Variants in ARHGAP15 observed in about 807,000 individuals in gnomAD.
ARHGAP15 encodes rho GTPase-activating protein 15.
A neutral mutation model predicts 63.7 loss-of-function variants in ARHGAP15; 51 were observed. The ratio of observed to expected loss-of-function variants is 0.80; its 90% confidence interval spans 0.64 to 1.01. ARHGAP15 has a LOEUF of 1.01. Among genes scored for constraint, ARHGAP15 ranks in the 50% least tolerant of loss-of-function variants. ARHGAP15 has a pLI of 0.00. For synonymous variants in ARHGAP15, 191 were observed against 193.8 expected (o/e 0.99, Z 0.12); for missense variants, 560 against 564.6 (o/e 0.99, Z 0.08).
At chr2:143,405,339 CAT>C (rs934243606) in intron 6 of ARHGAP15, among the ~76,000 whole-genome samples, 4 of 150,884 alleles carry the variant, frequency 2.7e-5, no homozygotes, top group African/African-American at 9.7e-5. Context: ...TTTTGCTTAT[CAT>C]TTTGTGTTTT....
intron 9 of ARHGAP15, among the ~76,000 whole-genome samples, chr2:143,500,103 T>C (rs1336212435): frequency 6.6e-6 from 1 of 151,874 alleles, no homozygotes; most frequent in East Asian, 1.9e-4. Context: ...ACAGCCCTTT[T>C]TCAACTTAAT....
chr2:143,320,199 T>TA (rs1050152512), intron 6 of ARHGAP15, among the ~76,000 whole-genome samples: 1 of 152,164 alleles, frequency 6.6e-6, no homozygotes, highest in African/African-American at 2.4e-5. Flanking sequence ...TAGGATTCTT[T>TA]AGCTGCATCA....
intron 6 of ARHGAP15, among the ~76,000 whole-genome samples, chr2:143,280,924 C>T (rs1574204961): frequency 6.6e-6 from 1 of 152,028 alleles, no homozygotes; most frequent in East Asian, 1.9e-4. Context: ...AAAAAGAACA[C>T]CCCTATATTT....
chr2:143,366,517 A>G (rs1686297987), intron 6 of ARHGAP15, among the ~76,000 whole-genome samples: 1 of 152,084 alleles, frequency 6.6e-6, no homozygotes, highest in South Asian at 2.1e-4. Flanking sequence ...AACAAATAAT[A>G]TTTTGCTCCT....
chr2:143,213,029 G>A (rs919795933), intron 3 of ARHGAP15, among the ~76,000 whole-genome samples: 3 of 152,074 alleles, frequency 2.0e-5, no homozygotes, highest in Non-Finnish European at 4.4e-5. Flanking sequence ...ATGGTATCCC[G>A]TCCCCCCAGA....
At chr2:143,153,873 T>TCCTCTTCCTCC (rs1689967986) in intron 1 of ARHGAP15, among the ~76,000 whole-genome samples, 18 of 46,900 alleles carry the variant, frequency 3.8e-4, no homozygotes, top group African/African-American at 1.1e-3. Flanking sequence ...CCTCCTCCTC[T>TCCTCTTCCTCC]TCCTCCTCCT....
rs185635166 is a variant in ARHGAP15 at position 143,143,602 on chromosome 2, A to G, written c.-14-11875A>G. Among the ~76,000 whole-genome samples the G allele has an allele frequency of 4.4e-3, 630 of 144,546 alleles. 1 individual carries two copies. Among genetic ancestry groups the G allele is most frequent in the Non-Finnish European group, 7.5e-3 (501 of 66,750 alleles). 94.8% of individuals were successfully genotyped at this position (144,546 alleles called of 152,430 possible). A position where few individuals can be genotyped will look rare whatever the true frequency, so the allele number is the denominator to read the frequency against. ...TTTTTGTCCCTCAGACAATTACTTG[A>G]ACCACCTCAGGGCTAAATCATCCAC... On this transcript the variant is annotated intron_variant, in intron 1 of 13. Transcript: ENST00000295095.
At chr2:143,421,766 GTATATATATATATATATATATA>G (rs59677710) in intron 6 of ARHGAP15, among the ~76,000 whole-genome samples, 5 of 109,068 alleles carry the variant, frequency 4.6e-5, no homozygotes, top group East Asian at 2.3e-4. Context: ...TGCACATGGT[GTATATATATATATATATATATA>G]TATATATATA....
chr2:143,448,957 T>C (rs1297190769), intron 8 of ARHGAP15, among the ~76,000 whole-genome samples: 1 of 152,068 alleles, frequency 6.6e-6, no homozygotes, highest in Non-Finnish European at 1.5e-5. Flanking sequence ...GACCTACTCA[T>C]ATAAAAGAGC....
chr2:143,249,613 A>G (rs1680041041), intron 5 of ARHGAP15, among the ~76,000 whole-genome samples: 1 of 152,172 alleles, frequency 6.6e-6, no homozygotes, highest in African/African-American at 2.4e-5. Context: ...TTGAAAAAAT[A>G]GTAAAGAAAT....
chr2:143,177,918 CATTT>C (rs1691071830), intron 2 of ARHGAP15, among the ~76,000 whole-genome samples: 1 of 152,076 alleles, frequency 6.6e-6, no homozygotes, highest in South Asian at 2.1e-4. Context: ...ATAAGCAATG[CATTT>C]ATTTACTGTA....
chr2:143,498,576 C>A (rs968483415), intron 9 of ARHGAP15, among the ~76,000 whole-genome samples: 1 of 152,044 alleles, frequency 6.6e-6, no homozygotes, highest in African/African-American at 2.4e-5. Context: ...TTTAATATGT[C>A]TTTTCTTTTT....
intron 11 of ARHGAP15, among the ~76,000 whole-genome samples, chr2:143,598,939 T>TA (rs879480037): frequency 1.6e-3 from 243 of 151,026 alleles, no homozygotes; most frequent in Non-Finnish European, 2.9e-3. Flanking sequence ...TTTTTTTTTT[T>TA]TAAAAAAAAC....
chr2:143,413,966 T>TGTGTGTGTGTGCGCGCGCGCGCGCGC lies in ARHGAP15; in HGVS notation c.475-21634_475-21633insTGTGTGTGTGCGCGCGCGCGCGCGCG. ...GTGTGTGTGTGTGTGTGTGTGTGTG[T>TGTGTGTGTGTGCGCGCGCGCGCGCGC]GCGCGCTCTCTGGCAGAAAGTTAAT... On this transcript the variant is annotated intron_variant, in intron 6 of 13. Coordinates refer to ENST00000295095, the MANE Select transcript of ARHGAP15 (RefSeq NM_018460.4). Among the ~76,000 whole-genome samples, 50 of 117,916 alleles carry TGTGTGTGTGTGCGCGCGCGCGCGCGC rather than the reference T, an allele frequency of 4.2e-4. No homozygotes were observed. In the South Asian group the frequency reaches 6.4e-3, roughly 15 times the overall value. 77.4% of individuals were successfully genotyped at this position (117,916 alleles called of 152,430 possible).
chr2:143,142,996 C>G (rs374327698), intron 1 of ARHGAP15, among the ~76,000 whole-genome samples: 2 of 152,042 alleles, frequency 1.3e-5, no homozygotes, highest in African/African-American at 4.8e-5. Flanking sequence ...TGTGTCCAAG[C>G]AAAAATCCTA....
At chr2:143,378,516 T>C (rs962841801) in intron 6 of ARHGAP15, among the ~76,000 whole-genome samples, 1 of 152,046 alleles carries the variant, frequency 6.6e-6, no homozygotes, top group African/African-American at 2.4e-5. Flanking sequence ...CGGTAGTTTA[T>C]AAAAGAGCTG....
At chr2:143,478,749 G>A (rs1327319468) in intron 8 of ARHGAP15, among the ~76,000 whole-genome samples, 1 of 152,110 alleles carries the variant, frequency 6.6e-6, no homozygotes, top group Non-Finnish European at 1.5e-5. Context: ...TAGCAAAAGT[G>A]GAAATTAAGA....
intron 9 of ARHGAP15, among the ~76,000 whole-genome samples, chr2:143,490,156 C>G (rs1175125353): frequency 1.3e-5 from 2 of 152,010 alleles, no homozygotes; most frequent in Admixed American, 1.3e-4. Context: ...CCCGCCACCA[C>G]GCCCGGCTAA....
chr2:143,527,111 C>CA (rs976622748), intron 10 of ARHGAP15, among the ~76,000 whole-genome samples: 10 of 151,028 alleles, frequency 6.6e-5, no homozygotes, highest in East Asian at 3.9e-4. Flanking sequence ...AAGTTTATAC[C>CA]AAAAAAAATG....
Sources: gnomAD v4.1 joint callset for allele counts (sites outside exome capture counted in the v4.1 genomes callset) on GRCh38, gnomAD v4.1.1 for gene constraint, MANE v1.5 for transcripts, NCBI Gene and HGNC (gene_info 2026-07-23, HGNC 2026-07-21) for gene names.